Variants in GALK2 observed in about 807,000 individuals in gnomAD.
GALK2 encodes the protein galactokinase 2.
GALK2 carries 36 observed loss-of-function variants against 52.4 expected under a neutral mutation model. The ratio of observed to expected loss-of-function variants is 0.69; its 90% confidence interval spans 0.53 to 0.91. The LOEUF is 0.91. GALK2 is among the 40% of genes least tolerant of loss of function. The pLI is 0.00. For synonymous variants in GALK2, 176 were observed against 199.1 expected, an observed-to-expected ratio of 0.88 and a Z score of 0.98; for missense variants, 579 against 559.1, an observed-to-expected ratio of 1.04 and a Z score of -0.36.
intron 2 of GALK2, among the ~76,000 whole-genome samples, chr15:49,204,111 A>G (rs1447081306): frequency 2.6e-5 from 4 of 151,830 alleles, no homozygotes. Context: ...CTCAAAAAAA[A>G]AAAAAAAAAG....
chr15:49,360,681 TCTC>T (rs1250729217), intron 3 of GALK2, among the ~76,000 whole-genome samples: 1 of 152,158 alleles, frequency 6.6e-6, no homozygotes, highest in African/African-American at 2.4e-5. Context: ...TCAAAGTTTT[TCTC>T]CTGTTTTACT....
At chr15:49,364,083 T>C (rs753555422) in intron 3 of GALK2, among the ~76,000 whole-genome samples, 1 of 152,208 alleles carries the variant, frequency 6.6e-6, no homozygotes, top group Non-Finnish European at 1.5e-5. Context: ...TTTCTTTTTT[T>C]ATTGTGTCTA....
chr15:49,195,333 A>G (rs1228188422), intron 1 of GALK2: 1 of 238,442 alleles, frequency 4.2e-6, no homozygotes, highest in Non-Finnish European at 8.5e-6. Flanking sequence ...GGCCTCCCAA[A>G]GTGCTGGGAT....
chr15:49,162,015 A>G (rs1251699876), intron 1 of GALK2, among the ~76,000 whole-genome samples: 1 of 152,186 alleles, frequency 6.6e-6, no homozygotes, highest in Non-Finnish European at 1.5e-5. Flanking sequence ...CACCACTCCC[A>G]GCCTTAAAGT....
chr15:49,346,615 T>G (rs1051611879), intron 3 of GALK2, among the ~76,000 whole-genome samples: 1 of 152,196 alleles, frequency 6.6e-6, no homozygotes, highest in African/African-American at 2.4e-5. Context: ...GATAACAGAA[T>G]GAAGCTTCAG....
intron 5 of GALK2, among the ~76,000 whole-genome samples, chr15:49,277,960 A>G (rs2032103097): frequency 6.6e-6 from 1 of 151,804 alleles, no homozygotes; most frequent in Non-Finnish European, 1.5e-5. Flanking sequence ...AGTAGACCCA[A>G]ATGCTTTAAA....
intron 1 of GALK2, chr15:49,178,243 A>C (rs1481456733): frequency 3.0e-5 from 3 of 98,760 alleles, no homozygotes; most frequent in African/African-American, 1.1e-4. Context: ...AAAATGTATA[A>C]ATATGTCTAT....
chr15:49,295,090 G>A (rs1595999471), intron 8 of GALK2, among the ~76,000 whole-genome samples: 1 of 151,954 alleles, frequency 6.6e-6, no homozygotes, highest in Non-Finnish European at 1.5e-5. Flanking sequence ...AGATTCTCAA[G>A]ACTGTAAAAT....
intron 5 of GALK2, among the ~76,000 whole-genome samples, chr15:49,256,875 C>A (rs536753360): frequency 1.3e-5 from 2 of 152,214 alleles, no homozygotes; most frequent in South Asian, 4.1e-4. Flanking sequence ...TTAGATCAGG[C>A]AGTATGGTGC....
Position 49,328,371 on chromosome 15 carries a change from C to G in GALK2, c.*212C>G, listed in dbSNP as rs2037890331. The G allele has an allele frequency of 7.0e-7, 1 of 1,428,552 alleles. No homozygotes were observed. The highest frequency in any genetic ancestry group is 2.9e-5 in the Admixed American group (1 of 34,668). 88.5% of individuals were successfully genotyped at this position (1,428,552 alleles called of 1,614,324 possible). ...AAAATATGGTTTTACTATTAAGAGC[C>G]AAGATCATGCTTGGACAGATCTTTT... On this transcript the variant is annotated 3_prime_UTR_variant, in exon 10 of 10. Transcript: ENST00000560031.
At chr15:49,363,421 G>C (rs2151423756) in intron 3 of GALK2, among the ~76,000 whole-genome samples, 1 of 152,248 alleles carries the variant, frequency 6.6e-6, no homozygotes. Flanking sequence ...TTGATTCTCA[G>C]CTTGGATGTT....
At chr15:49,282,191 C>A (rs2032797414) in intron 6 of GALK2, 106 bp downstream of exon 6, 4 of 679,842 alleles carry the variant, frequency 5.9e-6, no homozygotes, top group Non-Finnish European at 1.0e-5. Flanking sequence ...GGACAGCCTA[C>A]TATATTAGGC....
At chr15:49,210,992 CACA>C in intron 2 of GALK2, among the ~76,000 whole-genome samples, 1 of 151,614 alleles carries the variant, frequency 6.6e-6, no homozygotes, top group East Asian at 1.9e-4. Context: ...CACACACACA[CACA>C]CACACACACA....
intron 5 of GALK2, among the ~76,000 whole-genome samples, chr15:49,275,150 A>T (rs2031446293): frequency 6.6e-6 from 1 of 152,200 alleles, no homozygotes; most frequent in African/African-American, 2.4e-5. Flanking sequence ...CATCACCACA[A>T]ATGTAATGTG....
At chr15:49,211,421 A>G (rs1002409000) in intron 2 of GALK2, among the ~76,000 whole-genome samples, 7 of 152,116 alleles carry the variant, frequency 4.6e-5, no homozygotes, top group Admixed American at 6.5e-5. Flanking sequence ...TCATCGTCCT[A>G]TCTTTTTTCT....
intron 1 of GALK2, among the ~76,000 whole-genome samples, chr15:49,192,473 TTATATATATATGTA>T (rs1397796797): frequency 2.4e-5 from 2 of 82,394 alleles, no homozygotes; most frequent in Non-Finnish European, 5.0e-5. Flanking sequence ...GCAATGAATA[TTATATATATATGTA>T]TATATATATA....
chr15:49,176,815 T>G (rs1401516955), intron 1 of GALK2, among the ~76,000 whole-genome samples: 2 of 152,188 alleles, frequency 1.3e-5, no homozygotes, highest in Non-Finnish European at 2.9e-5. Flanking sequence ...TCTTGTCAAA[T>G]GTAAGCATCT....
chr15:49,221,283 C>A (rs1208471161), intron 3 of GALK2, among the ~76,000 whole-genome samples: 1 of 152,092 alleles, frequency 6.6e-6, no homozygotes, highest in Non-Finnish European at 1.5e-5. Flanking sequence ...TCAATTCATT[C>A]TTCTGCATAT....
chr15:49,360,263 T>C (rs2043975425), intron 3 of GALK2, among the ~76,000 whole-genome samples: 1 of 151,410 alleles, frequency 6.6e-6, no homozygotes, highest in South Asian at 2.1e-4. Flanking sequence ...AGTCTGTGTA[T>C]GCATGTGTGA....
Sources: allele counts gnomAD v4.1 joint callset (sites outside exome capture counted in the v4.1 genomes callset), GRCh38; gene constraint gnomAD v4.1.1; transcripts MANE v1.5; gene names NCBI Gene and HGNC (gene_info 2026-07-23, HGNC 2026-07-21).